Variants in PECAM1 observed in about 807,000 individuals in gnomAD.
PECAM1 encodes platelet and endothelial cell adhesion molecule 1.
Under a neutral mutation model 13.8 loss-of-function variants are expected in PECAM1, and 8 were observed. That is an observed-to-expected ratio of 0.58 (90% CI 0.34 to 1.05). The LOEUF (loss-of-function observed/expected upper bound fraction) is 1.05. Among genes scored for constraint, PECAM1 ranks in the 50% least tolerant of loss-of-function variants. The pLI is 0.03. For synonymous variants in PECAM1, 136 were observed against 52.6 expected (o/e 2.58, Z -6.86); for missense variants, 304 against 141.2 (o/e 2.15, Z -5.84).
chr17:64,374,823 G>C (rs2143865035), intron 4 of PECAM1, among the ~76,000 whole-genome samples: 1 of 151,304 alleles, frequency 6.6e-6, no homozygotes, highest in Admixed American at 6.6e-5. Flanking sequence ...CAAACAAAAA[G>C]CATCATATAT....
At chr17:64,377,743 C>T (rs1004621510) in intron 3 of PECAM1, 81 bp downstream of exon 3, 27 of 469,790 alleles carry the variant, frequency 5.7e-5, no homozygotes, top group African/African-American at 5.1e-4. Flanking sequence ...AGTCCAGTGT[C>T]ACTATTCATT....
chr17:64,373,543 T>A (rs1031522820), intron 4 of PECAM1, among the ~76,000 whole-genome samples: 16 of 151,928 alleles, frequency 1.1e-4, no homozygotes, highest in Non-Finnish European at 8.8e-5. Context: ...TGTGTGTGTG[T>A]GTGTGTGTGT....
At chr17:64,387,702 C>T (rs1243928393) in intron 2 of PECAM1, among the ~76,000 whole-genome samples, 1 of 152,090 alleles carries the variant, frequency 6.6e-6, no homozygotes, top group Non-Finnish European at 1.5e-5. Flanking sequence ...AAGCCTGCAG[C>T]CAGGCCCAGG....
At chr17:64,368,688 A>T (rs1442624821) in intron 5 of PECAM1, among the ~76,000 whole-genome samples, 122,367 of 151,370 alleles carry the variant, frequency 0.81, 54,807 homozygotes, top group East Asian at 1. Flanking sequence ...CATCTCTACT[A>T]AAAATACAAA....
At chr17:64,358,544 C>T (rs1316848971) in intron 7 of PECAM1, among the ~76,000 whole-genome samples, 1 of 152,182 alleles carries the variant, frequency 6.6e-6, no homozygotes, top group Non-Finnish European at 1.5e-5. Flanking sequence ...AGCTTTTTCA[C>T]AATGTTTACC....
intron 2 of PECAM1, among the ~76,000 whole-genome samples, chr17:64,385,999 G>A (rs2036585267): frequency 1.3e-5 from 2 of 152,348 alleles, no homozygotes; most frequent in South Asian, 2.1e-4. Context: ...CAGCACCCAA[G>A]GCCAGTAAAC....
At position 64,342,141 on chromosome 17, in the gene PECAM1, C is replaced by T. The variant is rs1343856916; in HGVS notation, c.2108-451G>A. ...CTCCAGCCTGGGCAACACAGTGACA[C>T]ACCACCTCAAAAAAAAAAAAAAGAA... On this transcript the variant is annotated intron_variant, in intron 13 of 15. Coordinates refer to ENST00000563924, the MANE Select transcript of PECAM1 (RefSeq NM_000442.5). Among the ~76,000 whole-genome samples the T allele has an allele frequency of 3.5e-5, 4 of 115,694 alleles. No homozygotes were observed. The South Asian group carries it at 1.1e-3, about 31-fold the overall frequency. 75.9% of individuals were successfully genotyped at this position (115,694 alleles called of 152,430 possible).
intron 7 of PECAM1, 42 bp downstream of exon 7, chr17:64,360,098 C>A (rs2035939214): frequency 4.2e-6 from 2 of 475,090 alleles, no homozygotes; most frequent in East Asian, 3.1e-5. Context: ...TGAAAGAATG[C>A]CCCAAGCCCA....
intron 10 of PECAM1, among the ~76,000 whole-genome samples, chr17:64,353,055 G>A (rs1270692722): frequency 6.6e-6 from 1 of 152,076 alleles, no homozygotes; most frequent in Non-Finnish European, 1.5e-5. Context: ...CTTATCCCAC[G>A]CTACTGTTTC....
At chr17:64,373,494 C>T (rs1221252711) in intron 4 of PECAM1, among the ~76,000 whole-genome samples, 2 of 150,764 alleles carry the variant, frequency 1.3e-5, no homozygotes, top group African/African-American at 4.9e-5. Context: ...GTGATAGGTC[C>T]CCATCTTTTG....
intron 14 of PECAM1, among the ~76,000 whole-genome samples, chr17:64,331,889 G>A (rs1555646811): frequency 6.6e-6 from 1 of 152,210 alleles, no homozygotes; most frequent in South Asian, 2.1e-4. Flanking sequence ...GGTGGTGGAG[G>A]GAATGGTGGG....
chr17:64,360,595 TG>T (rs2035950373), intron 6 of PECAM1, among the ~76,000 whole-genome samples, 180 bp from the exon 7 acceptor site: 1 of 150,818 alleles, frequency 6.6e-6, no homozygotes. Context: ...TGTGTGTGTG[TG>T]TGTGTGTGTG....
chr17:64,348,407 C>CTTTT (rs869282884), intron 12 of PECAM1, 85 bp from the exon 13 acceptor site: 42 of 296,162 alleles, frequency 1.4e-4, no homozygotes, highest in Middle Eastern at 1.8e-3. Context: ...ACTTTCTTTT[C>CTTTT]TTTTTTTTTT....
chr17:64,345,760 C>T (rs1298097416), intron 13 of PECAM1, among the ~76,000 whole-genome samples: 5 of 150,574 alleles, frequency 3.3e-5, no homozygotes, highest in African/African-American at 9.8e-5. Flanking sequence ...AGGCCTGCCG[C>T]GTTCCCCACC....
chr17:64,378,508 G>A (rs898948027), intron 2 of PECAM1, among the ~76,000 whole-genome samples: 2 of 152,128 alleles, frequency 1.3e-5, no homozygotes, highest in African/African-American at 4.8e-5. Flanking sequence ...CAGGTTTGGT[G>A]GTGCAGGCCT....
At chr17:64,345,567 G>T (rs1421928867) in intron 13 of PECAM1, among the ~76,000 whole-genome samples, 9 of 152,048 alleles carry the variant, frequency 5.9e-5, no homozygotes, top group Non-Finnish European at 1.2e-4. Flanking sequence ...ACAAAAATTA[G>T]CCGGGGATGG....
At chr17:64,344,368 A>C (rs2035511111) in intron 13 of PECAM1, among the ~76,000 whole-genome samples, 2 of 152,164 alleles carry the variant, frequency 1.3e-5, no homozygotes, top group African/African-American at 4.8e-5. Flanking sequence ...CTCTGCTGTC[A>C]GGGATGTTTC....
At chr17:64,381,774 A>C (rs2036486287) in intron 2 of PECAM1, among the ~76,000 whole-genome samples, 2 of 152,184 alleles carry the variant, frequency 1.3e-5, no homozygotes, top group Admixed American at 1.3e-4. Flanking sequence ...TCCTGATTTA[A>C]GAAGCCTGCT....
chr17:64,365,399 A>T (rs1213957735), intron 5 of PECAM1, among the ~76,000 whole-genome samples: 24 of 151,424 alleles, frequency 1.6e-4, no homozygotes, highest in African/African-American at 5.8e-4. Context: ...CATACTGCCC[A>T]AGGTAATTTA....
Sources: allele counts gnomAD v4.1 joint callset (sites outside exome capture counted in the v4.1 genomes callset), GRCh38; gene constraint gnomAD v4.1.1; transcripts MANE v1.5; gene names NCBI Gene and HGNC (gene_info 2026-07-23, HGNC 2026-07-21).